The following PXDN variants were observed in gnomAD, a reference collection of about 807,000 sequenced individuals.
PXDN encodes the protein peroxidasin, also known as peroxidasin homolog.
PXDN carries 77 observed loss-of-function variants against 140.3 expected under a neutral mutation model. That is an observed-to-expected ratio of 0.55 (90% confidence interval 0.46 to 0.66). The LOEUF is 0.66. Among genes scored for constraint, PXDN ranks in the 30% least tolerant of loss-of-function variants. The pLI is 0.00. For missense variants in PXDN, 1,838 were observed against 2,039.5 expected, an observed-to-expected ratio of 0.90 and a Z score of 1.90; for synonymous variants, 911 against 857.4, an observed-to-expected ratio of 1.06 and a Z score of -1.09.
intron 1 of PXDN, among the ~76,000 whole-genome samples, chr2:1,700,571 T>C (rs1369015962): frequency 6.6e-6 from 1 of 152,150 alleles, no homozygotes; most frequent in Non-Finnish European, 1.5e-5. Context: ...TCTTTGTCAT[T>C]CGTGTTGCTC....
intron 1 of PXDN, among the ~76,000 whole-genome samples, chr2:1,720,832 G>C (rs1685032296): frequency 6.6e-6 from 1 of 151,902 alleles, no homozygotes; most frequent in Non-Finnish European, 1.5e-5. Flanking sequence ...ACATGACCTG[G>C]TCCTCCCGGA....
intron 1 of PXDN, among the ~76,000 whole-genome samples, chr2:1,725,709 A>G (rs1431081907): frequency 6.6e-6 from 1 of 152,220 alleles, no homozygotes; most frequent in Non-Finnish European, 1.5e-5. Flanking sequence ...AGAATCTACA[A>G]TGAACTCAAA....
rs1169630406 is a variant in PXDN at position 1,649,158 on chromosome 2, G to A, written c.2622C>T (p.Arg874=). ...PNDSRARSGA[R]CMFFVRSSPV... ...GGCTGGAGCGCACGAAGAACATGCA[G>A]CGGGCCCCGCTCCTGGCCCGGGAGT... Residue 874 remains arginine, a synonymous_variant, in exon 17 of 23, where the codon CGC becomes CGT. Transcript: ENST00000252804. This position sits in a 1 kb window ranked among gnomAD's most constrained non-coding sequence, Gnocchi z 7.1. 1 of 1,609,714 alleles carries A rather than the reference G, an allele frequency of 6.2e-7. No individual in the cohort carries two copies. The highest frequency in any genetic ancestry group is 8.5e-7 in the Non-Finnish European group (1 of 1,178,262).
At chr2:1,706,064 G>A (rs575759933) in intron 1 of PXDN, among the ~76,000 whole-genome samples, 17 of 152,266 alleles carry the variant, frequency 1.1e-4, no homozygotes, top group South Asian at 4.1e-4. Context: ...CAGTCAGAGC[G>A]AGAACTTGGA....
At chr2:1,636,122 G>A (rs10190120) in intron 21 of PXDN, 15,756 of 176,348 alleles carry the variant, frequency 0.089, 731 homozygotes, top group African/African-American at 0.1. Context: ...GCACCAAGCT[G>A]CAGCAGGGAC....
chr2:1,726,833 T>C (rs1262270440), intron 1 of PXDN, among the ~76,000 whole-genome samples: 1 of 152,210 alleles, frequency 6.6e-6, no homozygotes, highest in Non-Finnish European at 1.5e-5. Flanking sequence ...TTTTTGCTTT[T>C]GAATTTCCGT....
At chr2:1,635,323 T>A in intron 22 of PXDN, 85 bp downstream of exon 22, 1 of 1,201,982 alleles carries the variant, frequency 8.3e-7, no homozygotes, top group Non-Finnish European at 1.2e-6. Context: ...GGCCCTGACA[T>A]CTGGGCCACC....
intron 1 of PXDN, 141 bp downstream of exon 1, chr2:1,744,115 T>G: frequency 2.1e-6 from 2 of 931,814 alleles, no homozygotes; most frequent in Non-Finnish European, 2.9e-6. Flanking sequence ...GAGGTTCCCT[T>G]CTGCGTCCCA....
chr2:1,665,047 T>A lies in PXDN; in HGVS notation c.1319A>T (p.Gln440Leu), dbSNP rs762433067. The A allele has an allele frequency of 1.2e-6, 2 of 1,610,456 alleles. No homozygotes were observed. Among genetic ancestry groups the A allele is most frequent in the African/African-American group, 2.7e-5 (2 of 74,862 alleles). Residue 440 changes from glutamine (Q) to leucine (L), a missense_variant, in exon 11 of 23, where the codon CAG (glutamine) becomes CTG (leucine). By Grantham distance (113) the Gln-to-Leu change is moderately radical (BLOSUM62 -2). Around this residue, in one of 5 missense-constraint regions of PXDN, gnomAD observed 537 missense variants for 583.9 expected, o/e 0.92. Coordinates refer to ENST00000252804, the MANE Select transcript of PXDN (RefSeq NM_012293.3). ...QALPQFTVTPQDRVVIEGQTV... is the reference protein window; with the variant it reads ...QALPQFTVTPLDRVVIEGQTV... ...CTGGCCCTCAATAACGACTCTGTCCTGAGGCGTCACAGTGAACTGAGGAAG... is the reference window on the plus strand; with the variant it reads ...CTGGCCCTCAATAACGACTCTGTCCAGAGGCGTCACAGTGAACTGAGGAAG...
At position 1,666,494 on chromosome 2, in the gene PXDN, A is replaced by T. The variant is rs753761330; in HGVS notation, c.1019-8T>A. 6.3e-7 allele frequency: 1 copy of T among 1,580,470 alleles called. No individual in the cohort carries two copies. On this transcript the variant is annotated splice_region_variant and splice_polypyrimidine_tract_variant and intron_variant, in intron 9 of 22. Coordinates refer to ENST00000252804, the MANE Select transcript of PXDN (RefSeq NM_012293.3). ...TTACAAAAGTGGGTCGAGCTGTCAC[A>T]ATTAAACAGAAATTCTCAATTAATT...
chr2:1,732,192 C>T (rs11127323), intron 1 of PXDN, among the ~76,000 whole-genome samples: 60,958 of 151,990 alleles, frequency 0.4, 13,041 homozygotes, highest in Admixed American at 0.55. Context: ...CAGCAGAAAA[C>T]GGCCCCAGCT....
Position 1,648,414 on chromosome 2 carries a change from G to C in PXDN, c.3366C>G (p.Phe1122Leu). The C allele has an allele frequency of 1.2e-6, 2 of 1,611,684 alleles. No homozygotes were observed. The highest frequency in any genetic ancestry group is 1.7e-6 in the Non-Finnish European group (2 of 1,179,872). ...GCACACGCATTTTCCCCGCCACCCC[G>C]AACAGCCCCCTGAGAAGCGGATCGA... is the stretch of plus-strand genomic sequence containing the variant. Reference protein sequence around the residue: ...GGIDPLLRGLFGVAGKMRVPS... With the variant: ...GGIDPLLRGLLGVAGKMRVPS... The change falls in exon 17 of 23, where the codon TTC (phenylalanine) becomes TTG (leucine). Residue 1122 changes from phenylalanine (F) to leucine (L), a missense_variant. Physicochemically the swap from Phe to Leu is conservative, Grantham distance 22. This residue lies in a region of PXDN where 850 missense variants were observed against 894.1 expected (regional missense o/e 0.95). Transcript: ENST00000252804. This position sits in a 1 kb window ranked among gnomAD's most constrained non-coding sequence, Gnocchi z 8.9.
chr2:1,683,742 T>A lies in PXDN; in HGVS notation c.489-15A>T, dbSNP rs956799998. The A allele has an allele frequency of 2.5e-6, 4 of 1,583,632 alleles. No homozygotes were observed. Among genetic ancestry groups the A allele is most frequent in the Non-Finnish European group, 3.4e-6 (4 of 1,165,022 alleles). On this transcript the variant is annotated splice_polypyrimidine_tract_variant and intron_variant, in intron 5 of 22. Coordinates refer to ENST00000252804, the MANE Select transcript of PXDN (RefSeq NM_012293.3). ...TATGCAAAAATCTGTTGAAAGAGAT[T>A]TTATAACAAACCAATTTTGAAAAAT...
chr2:1,655,652 T>G (rs994580547), intron 14 of PXDN, among the ~76,000 whole-genome samples: 4 of 148,458 alleles, frequency 2.7e-5, no homozygotes, highest in Non-Finnish European at 4.4e-5. Context: ...ACCTGCCTTC[T>G]CCTGACAGGA....
intron 1 of PXDN, among the ~76,000 whole-genome samples, chr2:1,743,648 G>C: frequency 6.9e-6 from 1 of 145,076 alleles, no homozygotes; most frequent in Non-Finnish European, 1.5e-5. Flanking sequence ...AGAAGGAAGG[G>C]GGGGAGGAGG....
intron 3 of PXDN, among the ~76,000 whole-genome samples, chr2:1,690,310 A>G (rs1270333008): frequency 3.3e-5 from 5 of 152,078 alleles, no homozygotes. Context: ...CACCAGGGAC[A>G]CCGCAGTTTG....
intron 1 of PXDN, among the ~76,000 whole-genome samples, chr2:1,743,220 G>C (rs534150873): frequency 2.6e-5 from 4 of 152,234 alleles, no homozygotes; most frequent in African/African-American, 9.6e-5. Flanking sequence ...CGTGACGCGG[G>C]ACGGCCCGCA....
intron 6 of PXDN, among the ~76,000 whole-genome samples, chr2:1,680,861 G>A (rs1439463764): frequency 6.6e-6 from 1 of 152,250 alleles, no homozygotes; most frequent in East Asian, 1.9e-4. Flanking sequence ...TGGGAAGGGG[G>A]GCTGCATCTC....
chr2:1,673,599 G>T, intron 9 of PXDN, 44 bp downstream of exon 9: 1 of 1,577,652 alleles, frequency 6.3e-7, no homozygotes, highest in South Asian at 1.2e-5. Context: ...AGTGAGGGAC[G>T]ACAATTCTGG....
Sources: gnomAD v4.1 joint callset for allele counts (sites outside exome capture counted in the v4.1 genomes callset) on GRCh38, gnomAD v4.1.1 for gene constraint, gnomAD v4.1.1 regional missense constraint, Gnocchi (gnomAD v3.1) non-coding constraint, MANE v1.5 for transcripts, NCBI Gene and HGNC (gene_info 2026-07-23, HGNC 2026-07-21) for gene names.